The following ANKRD11 variants were observed in gnomAD, a reference collection of about 807,000 sequenced individuals.
ANKRD11 encodes the protein ankyrin repeat domain 11, also known as ankyrin repeat domain-containing protein 11.
ANKRD11 carries 17 observed loss-of-function variants against 195.7 expected under a neutral mutation model. The observed-to-expected ratio is 0.09, with a 90% CI of 0.06 to 0.13. The LOEUF (loss-of-function observed/expected upper bound fraction) is 0.13, where lower values mean the gene tolerates loss of function less well. Among genes scored for constraint, ANKRD11 ranks in the 10% least tolerant of loss-of-function variants. The pLI, the probability that ANKRD11 is intolerant of heterozygous loss-of-function variation, is 1.00. For missense variants in ANKRD11, 3,735 were observed against 3,566.1 expected, an observed-to-expected ratio of 1.05 and a Z score of -1.21; for synonymous variants, 1,953 against 1,528.1, an observed-to-expected ratio of 1.28 and a Z score of -6.49.
intron 2 of ANKRD11, among the ~76,000 whole-genome samples, chr16:89,391,183 G>A (rs981605774): frequency 1.3e-5 from 2 of 148,946 alleles, no homozygotes; most frequent in Non-Finnish European, 1.5e-5. Context: ...AGCCGAGATC[G>A]CGCCACTGAA....
chr16:89,455,450 G>A (rs185577919), intron 1 of ANKRD11, among the ~76,000 whole-genome samples: 54 of 152,152 alleles, frequency 3.5e-4, no homozygotes, highest in Admixed American at 2.0e-3. Context: ...GGAGCTACAC[G>A]CACCACATCA....
intron 1 of ANKRD11, among the ~76,000 whole-genome samples, chr16:89,453,977 G>A (rs1004196949): frequency 3.3e-5 from 5 of 152,136 alleles, no homozygotes; most frequent in African/African-American, 9.7e-5. Flanking sequence ...CCCGCACCTC[G>A]GGAGTTCCCA....
chr16:89,362,541 A>T lies in ANKRD11; in HGVS notation c.-59-45463T>A, dbSNP rs78269741. On this transcript the variant is annotated intron_variant, in intron 2 of 12. Coordinates refer to ENST00000301030, the MANE Select transcript of ANKRD11 (RefSeq NM_013275.6). ...AGATACTGGGCGGAGCACACATCTC[A>T]GCTGTGTAAAAAGTAGAAGTTCCTC... Among the ~76,000 whole-genome samples the T allele has an allele frequency of 2.5e-4, 38 of 152,392 alleles. No individual in the cohort carries two copies. The East Asian group carries it at 7.3e-3, about 29-fold the overall frequency.
At chr16:89,372,662 G>A (rs1355957216) in intron 2 of ANKRD11, among the ~76,000 whole-genome samples, 2 of 152,078 alleles carry the variant, frequency 1.3e-5, no homozygotes, top group African/African-American at 2.4e-5. Flanking sequence ...TTGAAAACAT[G>A]AACAAGTGCA....
At chr16:89,271,199 A>G (rs2033121266) in intron 11 of ANKRD11, 1 of 478,592 alleles carries the variant, frequency 2.1e-6, no homozygotes, top group Non-Finnish European at 3.8e-6. Context: ...CCCCCAGGGG[A>G]CAGTCAGAGC....
At chr16:89,410,958 A>G (rs556619290) in intron 2 of ANKRD11, among the ~76,000 whole-genome samples, 3 of 152,318 alleles carry the variant, frequency 2.0e-5, no homozygotes, top group African/African-American at 7.2e-5. Flanking sequence ...CAAAGTCAAC[A>G]TGTTCAGGCT....
chr16:89,368,124 G>A (rs2040028219), intron 2 of ANKRD11, among the ~76,000 whole-genome samples: 1 of 152,008 alleles, frequency 6.6e-6, no homozygotes, highest in Non-Finnish European at 1.5e-5. Flanking sequence ...CTACTCATTG[G>A]TTTAAAAAAT....
At chr16:89,340,735 C>G (rs1333470205) in intron 2 of ANKRD11, among the ~76,000 whole-genome samples, 1 of 152,204 alleles carries the variant, frequency 6.6e-6, no homozygotes, top group Non-Finnish European at 1.5e-5. Context: ...TAACAGGAGG[C>G]TGTTCATTGG....
At chr16:89,320,680 A>G (rs1078577) in intron 2 of ANKRD11, among the ~76,000 whole-genome samples, 103,030 of 152,090 alleles carry the variant, frequency 0.68, 34,942 homozygotes, top group Middle Eastern at 0.77. Context: ...ACGGCGCCAA[A>G]GCTGTGGGCT....
At chr16:89,422,729 C>T (rs555391608) in intron 1 of ANKRD11, among the ~76,000 whole-genome samples, 2 of 152,274 alleles carry the variant, frequency 1.3e-5, no homozygotes, top group East Asian at 3.9e-4. Flanking sequence ...AGACCTGATG[C>T]TTATTTTTGG....
At chr16:89,340,696 AT>A (rs1257370350) in intron 2 of ANKRD11, among the ~76,000 whole-genome samples, 4 of 152,232 alleles carry the variant, frequency 2.6e-5, no homozygotes, top group Admixed American at 6.5e-5. Context: ...AACAAATTTC[AT>A]TTAAATAAAA....
rs1319132440 is a variant in ANKRD11, at chr16:89,282,706, C to A, written c.3836G>T (p.Ser1279Ile). The A allele has an allele frequency of 1.2e-6, 2 of 1,614,070 alleles. No individual in the cohort carries two copies. The highest frequency in any genetic ancestry group is 3.3e-5 in the Admixed American group (2 of 60,024). Residue 1279 changes from serine (S) to isoleucine (I), a missense_variant, in exon 9 of 13, where the codon AGC becomes ATC. Coordinates refer to ENST00000301030, the MANE Select transcript of ANKRD11 (RefSeq NM_013275.6). Reference sequence around the variant, plus strand: ...CTCTTCTTCCAACTTTTCAAGCAGGCTTTTTTCCGCGTCGGCACTTCTCGA... The same window carrying A: ...CTCTTCTTCCAACTTTTCAAGCAGGATTTTTTCCGCGTCGGCACTTCTCGA... ...KSSRSADAEK[S>I]LLEKLEEEAL... is the part of the protein sequence containing the mutation.
At chr16:89,366,493 A>G (rs1397914027) in intron 2 of ANKRD11, among the ~76,000 whole-genome samples, 1 of 152,112 alleles carries the variant, frequency 6.6e-6, no homozygotes, top group African/African-American at 2.4e-5. Flanking sequence ...AGCATCTGTT[A>G]TTTTTTAACC....
At chr16:89,311,273 C>G (rs1000245001) in intron 3 of ANKRD11, among the ~76,000 whole-genome samples, 1 of 152,178 alleles carries the variant, frequency 6.6e-6, no homozygotes, top group African/African-American at 2.4e-5. Flanking sequence ...ATTTTATAAG[C>G]TGATGAATTC....
chr16:89,338,112 G>A (rs79583263), intron 2 of ANKRD11, among the ~76,000 whole-genome samples: 26 of 152,310 alleles, frequency 1.7e-4, no homozygotes, highest in African/African-American at 6.0e-4. Flanking sequence ...GGCCATCCCA[G>A]GACGCCGCCC....
intron 9 of ANKRD11, among the ~76,000 whole-genome samples, chr16:89,276,690 C>G (rs1211726498): frequency 6.6e-6 from 1 of 152,232 alleles, no homozygotes; most frequent in African/African-American, 2.4e-5. Flanking sequence ...TCAGGGGAGG[C>G]TGGGCGTGCA....
chr16:89,284,439 G>T lies in ANKRD11; in HGVS notation c.2103C>A (p.Ser701Arg). The T allele has an allele frequency of 6.2e-7, 1 of 1,612,994 alleles. No individual in the cohort carries two copies. Among genetic ancestry groups the T allele is most frequent in the Non-Finnish European group, 8.5e-7 (1 of 1,179,818 alleles). Residue 701 changes from serine (S) to arginine (R), a missense_variant, in exon 9 of 13, where the codon AGC becomes AGA. Transcript: ENST00000301030. ...ATTCTTTTTCTTCTAATTTCATTTT[G>T]CTAAGTTTCTCTTCTTTTTTAAAGT... is the stretch of plus-strand genomic sequence containing the variant. ...RDHFKKEEKLSKMKLEEKEWL... is the reference protein window; with the variant it reads ...RDHFKKEEKLRKMKLEEKEWL...
intron 7 of ANKRD11, chr16:89,287,202 C>G: frequency 1.1e-6 from 1 of 900,266 alleles, no homozygotes; most frequent in Non-Finnish European, 1.5e-6. Context: ...CGGCCCTCCT[C>G]TAAGGCCAGC....
Position 89,282,877 on chromosome 16 carries a change from T to C in ANKRD11, c.3665A>G (p.Asp1222Gly). 6.2e-7 allele frequency: 1 copy of C among 1,613,002 alleles called. No individual in the cohort carries two copies. Among genetic ancestry groups the C allele is most frequent in the Non-Finnish European group, 8.5e-7 (1 of 1,180,028 alleles). ...TTGCGTGGAGTCCACTGAGGCTCTGTCCTTCCTGTCCTTGTACTTTTCTGT... is the reference window on the plus strand; with the variant it reads ...TTGCGTGGAGTCCACTGAGGCTCTGCCCTTCCTGTCCTTGTACTTTTCTGT... ...ESTEKYKDRK[D>G]RASVDSTQDK... is the part of the protein sequence containing the mutation. The change falls in exon 9 of 13, where the codon GAC (aspartate) becomes GGC (glycine). Residue 1222 changes from aspartate (D) to glycine (G), a missense_variant. By Grantham distance (94) the Asp-to-Gly change is moderately conservative. Coordinates refer to ENST00000301030, the MANE Select transcript of ANKRD11 (RefSeq NM_013275.6).
Sources: gnomAD v4.1 joint callset for allele counts (sites outside exome capture counted in the v4.1 genomes callset) on GRCh38, gnomAD v4.1.1 for gene constraint, MANE v1.5 for transcripts, NCBI Gene and HGNC (gene_info 2026-07-23, HGNC 2026-07-21) for gene names.